ABLIM1: variants seen among roughly 807,000 people sequenced by gnomAD.
ABLIM1 encodes actin binding LIM protein 1.
A neutral mutation model predicts 107.0 loss-of-function variants in ABLIM1; 40 were observed. That is an observed-to-expected ratio of 0.37 (90% confidence interval 0.29 to 0.49). ABLIM1 has a LOEUF of 0.49. ABLIM1 is among the 20% of genes least tolerant of loss of function. ABLIM1 has a pLI of 0.97. For missense variants in ABLIM1, 857 were observed against 1,008.5 expected (o/e 0.85, Z 2.04); for synonymous variants, 357 against 357.3 (o/e 1.00, Z 0.01).
chr10:114,641,247 TAAAAAA>T (rs35168530), intron 1 of ABLIM1, among the ~76,000 whole-genome samples: 5 of 37,084 alleles, frequency 1.3e-4, no homozygotes, highest in Middle Eastern at 0.02. Context: ...AAGCCAATCA[TAAAAAA>T]AAAAAAAAAA....
chr10:114,457,899 C>G (rs2063130914), intron 12 of ABLIM1, among the ~76,000 whole-genome samples: 1 of 152,130 alleles, frequency 6.6e-6, no homozygotes, highest in Non-Finnish European at 1.5e-5. Context: ...TGGTGAAACC[C>G]TGTCTCTTCT....
upstream of ABLIM1, among the ~76,000 whole-genome samples, chr10:114,689,547 C>T (rs544509872): frequency 6.6e-5 from 10 of 151,520 alleles, no homozygotes; most frequent in South Asian, 2.1e-4. Context: ...TTTTTATTAG[C>T]GACGGGGTTT....
At chr10:114,746,694 GT>G (rs963776311) in intron 1 of ABLIM1, among the ~76,000 whole-genome samples, 28 of 152,154 alleles carry the variant, frequency 1.8e-4, no homozygotes, top group African/African-American at 6.5e-4. Context: ...ACAAGAAAGG[GT>G]TTTCACCACA....
At chr10:114,456,163 G>T (rs965743250) in intron 12 of ABLIM1, among the ~76,000 whole-genome samples, 1 of 152,142 alleles carries the variant, frequency 6.6e-6, no homozygotes, top group Non-Finnish European at 1.5e-5. Flanking sequence ...CTTGAAGAAC[G>T]TCGTTTATTT....
At chr10:114,667,261 C>G (rs1468527585) in intron 1 of ABLIM1, among the ~76,000 whole-genome samples, 6 of 152,182 alleles carry the variant, frequency 3.9e-5, no homozygotes, top group Non-Finnish European at 5.9e-5. Context: ...CTTCCCATTT[C>G]TAAAATCAGA....
chr10:114,458,115 T>TGTGC (rs1172813225), intron 12 of ABLIM1, among the ~76,000 whole-genome samples: 4 of 149,134 alleles, frequency 2.7e-5, no homozygotes, highest in African/African-American at 1.0e-4. Context: ...TGTGTGTGTG[T>TGTGC]GCGCACATAA....
In ABLIM1 at chr10:114,632,109, C is replaced by T. The variant is rs373416574; in HGVS notation, c.244+25848G>A. On this transcript the variant is annotated intron_variant, in intron 1 of 22. Coordinates refer to ENST00000533213, the MANE Select transcript of ABLIM1 (RefSeq NM_002313.7). ...CGGCGGGCCCCGCTCCCATGCCCGC[C>T]CCGCTATCGCCCCCGCGCTCTTCTC... 54 of 985,364 alleles carry T rather than the reference C, an allele frequency of 5.5e-5. 1 individual carries two copies. The Admixed American group carries it at 8.0e-4, about 15-fold the overall frequency. 61.0% of individuals were successfully genotyped at this position (985,364 alleles called of 1,614,324 possible). A position where few individuals can be genotyped will look rare whatever the true frequency, so the allele number is the denominator to read the frequency against.
At chr10:114,554,006 G>A (rs2068409160) in intron 4 of ABLIM1, among the ~76,000 whole-genome samples, 1 of 152,168 alleles carries the variant, frequency 6.6e-6, no homozygotes, top group Non-Finnish European at 1.5e-5. Flanking sequence ...TTAGTAACAA[G>A]CTATGAGGAG....
chr10:114,496,259 C>A (rs543557605), intron 6 of ABLIM1, among the ~76,000 whole-genome samples: 1 of 152,274 alleles, frequency 6.6e-6, no homozygotes, highest in South Asian at 2.1e-4. Context: ...GGCAGGACTT[C>A]GCTCTATAAA....
Position 114,707,716 on chromosome 10 carries a change from A to T in ABLIM1, c.-213+60345T>A, listed in dbSNP as rs2081452733. 6.6e-6 allele frequency among the ~76,000 whole-genome samples: 1 copy of T among 152,004 alleles called. No individual in the cohort carries two copies. Among genetic ancestry groups the T allele is most frequent in the Non-Finnish European group, 1.5e-5 (1 of 67,998 alleles). On this transcript the variant is annotated intron_variant, in intron 1 of 15. Transcript: ENST00000651092. The surrounding 1 kb of genome is among the most constrained non-coding windows in gnomAD (Gnocchi z 4.1). ...GGAGTTCGAGACCAACCTGGACAAC[A>T]TGGTGAAAACACGGTCTCTACTAAA...
intron 1 of ABLIM1, among the ~76,000 whole-genome samples, chr10:114,747,087 T>A (rs926056571): frequency 8.5e-5 from 13 of 152,212 alleles, no homozygotes; most frequent in African/African-American, 3.1e-4. Flanking sequence ...GAAGGAAAAG[T>A]CTTCATAGCA....
intron 1 of ABLIM1, among the ~76,000 whole-genome samples, chr10:114,726,562 C>G (rs980378246): frequency 1.4e-5 from 2 of 144,256 alleles, no homozygotes; most frequent in Non-Finnish European, 3.1e-5. Context: ...CAGTGGATCA[C>G]CTGAGGTCAG....
intron 14 of ABLIM1, among the ~76,000 whole-genome samples, chr10:114,450,576 C>T (rs141446939): frequency 1.6e-3 from 240 of 151,550 alleles, no homozygotes; most frequent in African/African-American, 5.3e-3. Flanking sequence ...GCTGAGATTA[C>T]AGGTGTGCGC....
At chr10:114,580,922 A>G (rs2073290953) in intron 2 of ABLIM1, among the ~76,000 whole-genome samples, 1 of 152,204 alleles carries the variant, frequency 6.6e-6, no homozygotes, top group South Asian at 2.1e-4. Context: ...TCATTAAAAA[A>G]TAGGGCTTCT....
intron 12 of ABLIM1, among the ~76,000 whole-genome samples, chr10:114,459,357 C>T (rs780558519): frequency 6.6e-6 from 1 of 152,222 alleles, no homozygotes; most frequent in Non-Finnish European, 1.5e-5. Flanking sequence ...TGACTTATCT[C>T]AAAGATATCT....
At chr10:114,556,507 C>T (rs1271286427) in intron 4 of ABLIM1, among the ~76,000 whole-genome samples, 2 of 152,160 alleles carry the variant, frequency 1.3e-5, no homozygotes, top group Non-Finnish European at 2.9e-5. Flanking sequence ...GTGTTACTAG[C>T]CTGGCCTTCC....
At chr10:114,648,865 G>A (rs1591728165) in intron 1 of ABLIM1, among the ~76,000 whole-genome samples, 1 of 152,046 alleles carries the variant, frequency 6.6e-6, no homozygotes, top group South Asian at 2.1e-4. Flanking sequence ...GCATTTGTGT[G>A]GTACACAGCA....
intron 6 of ABLIM1, among the ~76,000 whole-genome samples, chr10:114,536,893 G>C (rs994122987): frequency 6.6e-6 from 1 of 152,124 alleles, no homozygotes; most frequent in African/African-American, 2.4e-5. Context: ...AGGTGGCCTG[G>C]TGGAGGCTAC....
At chr10:114,723,965 C>T (rs986705396) in intron 1 of ABLIM1, among the ~76,000 whole-genome samples, 7 of 152,112 alleles carry the variant, frequency 4.6e-5, no homozygotes, top group East Asian at 1.9e-4. Context: ...ATAACATCTG[C>T]GTGGTTCCTT....
Sources: allele counts gnomAD v4.1 joint callset (sites outside exome capture counted in the v4.1 genomes callset), GRCh38; gene constraint gnomAD v4.1.1; non-coding constraint Gnocchi (gnomAD v3.1); transcripts MANE v1.5; gene names NCBI Gene and HGNC (gene_info 2026-07-23, HGNC 2026-07-21).